GLB1L3: variants seen among roughly 807,000 people sequenced by gnomAD.
GLB1L3 encodes the protein galactosidase beta 1 like 3, also known as beta-galactosidase-1-like protein 3.
A neutral mutation model predicts 89.5 loss-of-function variants in GLB1L3; 89 were observed. The observed-to-expected ratio is 0.99, with a 90% CI of 0.84 to 1.19. The LOEUF is 1.19. Ranked by LOEUF, GLB1L3 falls within the 50% of genes most tolerant of loss-of-function variation. The pLI is 0.00. For missense variants in GLB1L3, 812 were observed against 813.3 expected, an observed-to-expected ratio of 1.00 and a Z score of 0.02; for synonymous variants, 314 against 312.3, an observed-to-expected ratio of 1.01 and a Z score of -0.06.
intron 12 of GLB1L3, 118 bp downstream of exon 12, chr11:134,310,769 G>T: frequency 2.7e-6 from 2 of 741,880 alleles, no homozygotes; most frequent in Admixed American, 2.6e-5. Flanking sequence ...AAGCTCCTGA[G>T]AACAAGGGCA....
chr11:134,278,569 A>G (rs1435719886), intron 3 of GLB1L3, among the ~76,000 whole-genome samples: 1 of 152,138 alleles, frequency 6.6e-6, no homozygotes, highest in Non-Finnish European at 1.5e-5. Context: ...TCATGCCTGT[A>G]TACAACTGAC....
intron 6 of GLB1L3, among the ~76,000 whole-genome samples, chr11:134,285,252 C>T (rs1351589147): frequency 1.3e-5 from 2 of 151,996 alleles, no homozygotes; most frequent in Admixed American, 6.6e-5. Context: ...ATGGTGTACC[C>T]AGACCTCATG....
At chr11:134,289,729 C>T (rs542364965) in intron 7 of GLB1L3, among the ~76,000 whole-genome samples, 3 of 152,334 alleles carry the variant, frequency 2.0e-5, no homozygotes, top group South Asian at 4.1e-4. Context: ...TAAACGTCGT[C>T]TCTTCTGTCC....
intron 3 of GLB1L3, 122 bp downstream of exon 3, chr11:134,278,034 G>C (rs1940476850): frequency 2.3e-6 from 2 of 872,236 alleles, no homozygotes; most frequent in South Asian, 1.5e-5. Context: ...GTCGTTTCCA[G>C]CACATACATT....
chr11:134,309,734 G>T lies in GLB1L3; in HGVS notation c.1070G>T (p.Gly357Val). 2 of 1,613,550 alleles carry T rather than the reference G, an allele frequency of 1.2e-6. No individual in the cohort carries two copies. Among genetic ancestry groups the T allele is most frequent in the East Asian group, 4.5e-5 (2 of 44,872 alleles). ...FGFMNGATYF[G>V]KHSGIVTSYD... ...TTCATGAACGGGGCCACATATTTCG[G>T]GAAGCACTCGGGCATTGTCACCAGC... The change falls in exon 11 of 20, where the codon GGG (glycine) becomes GTG (valine). Residue 357 changes from glycine (G) to valine (V), a missense_variant. Transcript: ENST00000431683.
chr11:134,316,061 C>A (rs1005352184), intron 18 of GLB1L3, among the ~76,000 whole-genome samples: 2 of 152,046 alleles, frequency 1.3e-5, no homozygotes, highest in African/African-American at 4.8e-5. Context: ...TGCTATGCAG[C>A]CTCTATCTCC....
At chr11:134,303,520 A>G (rs1565408114) in intron 9 of GLB1L3, among the ~76,000 whole-genome samples, 1 of 152,112 alleles carries the variant, frequency 6.6e-6, no homozygotes, top group Non-Finnish European at 1.5e-5. Context: ...TTATCTTTTA[A>G]AAGTCATCCT....
intron 3 of GLB1L3, 87 bp downstream of exon 3, chr11:134,277,999 A>G: frequency 7.7e-7 from 1 of 1,304,620 alleles, no homozygotes; most frequent in Non-Finnish European, 1.1e-6. Flanking sequence ...TTGGGGGCCC[A>G]GCGTGAGGAC....
Position 134,277,689 on chromosome 11 carries a change from G to T in GLB1L3, c.150-11G>T. 1.3e-6 allele frequency: 2 copies of T among 1,595,434 alleles called. No homozygotes were observed. The highest frequency in any genetic ancestry group is 1.1e-5 in the South Asian group (1 of 88,632). On this transcript the variant is annotated splice_polypyrimidine_tract_variant and intron_variant, in intron 2 of 19. Coordinates refer to ENST00000431683, the MANE Select transcript of GLB1L3 (RefSeq NM_001080407.3). Reference sequence around the variant, plus strand: ...CCTTTCCACTTTCTTTCCCTCGCCCGCCCCCTCCAGGTTTAATTGGTCTCA... The same window carrying T: ...CCTTTCCACTTTCTTTCCCTCGCCCTCCCCCTCCAGGTTTAATTGGTCTCA...
At chr11:134,311,329 A>T (rs1368328185) in intron 13 of GLB1L3, 159 bp downstream of exon 13, 1 of 658,726 alleles carries the variant, frequency 1.5e-6, no homozygotes, top group African/African-American at 1.8e-5. Flanking sequence ...TTCCGGGTGG[A>T]CTGTGAAGGG....
Position 134,277,640 on chromosome 11 carries a change from G to T in GLB1L3, c.150-60G>T. The T allele has an allele frequency of 5.8e-6, 9 of 1,552,684 alleles. No homozygotes were observed. The Middle Eastern group carries it at 8.4e-4, about 144-fold the overall frequency. ...TCGCTAGGGTTTCAGCCGTGCCTCC[G>T]AGCCCTCTCCCGAATCCTCTCTCCC... On this transcript the variant is annotated intron_variant, in intron 2 of 19. Transcript: ENST00000431683.
intron 15 of GLB1L3, 48 bp downstream of exon 15, chr11:134,312,935 C>A: frequency 8.0e-7 from 1 of 1,249,260 alleles, no homozygotes; most frequent in Non-Finnish European, 1.2e-6. Context: ...CCCTCAAATG[C>A]AGACGGAGCC....
intron 10 of GLB1L3, among the ~76,000 whole-genome samples, chr11:134,308,253 T>TCATCACCATCAC (rs1565412683): frequency 9.3e-5 from 2 of 21,528 alleles, no homozygotes; most frequent in African/African-American, 2.5e-4. Flanking sequence ...ATCACCACCA[T>TCATCACCATCAC]CACCACCACC....
At chr11:134,297,960 A>T (rs1941745092) in intron 9 of GLB1L3, among the ~76,000 whole-genome samples, 1 of 151,630 alleles carries the variant, frequency 6.6e-6, no homozygotes, top group Non-Finnish European at 1.5e-5. Context: ...TGTAGGTAGT[A>T]CTAGGATTGT....
At chr11:134,322,510 C>T (rs1490827170), downstream of GLB1L3, among the ~76,000 whole-genome samples, 1 of 152,126 alleles carries the variant, frequency 6.6e-6, no homozygotes, top group Non-Finnish European at 1.5e-5. Flanking sequence ...GCATCATCAC[C>T]ATCTGATCTA....
Position 134,304,216 on chromosome 11 carries a change from G to A in GLB1L3, c.877-2908G>A, listed in dbSNP as rs75074762. On this transcript the variant is annotated intron_variant, in intron 9 of 19. Transcript: ENST00000431683. Reference sequence around the variant, plus strand: ...GTATCTCTTTAGTTTGTACATTTTTGTCTACTTATGCTGCTATTTGGATAC... The same window carrying A: ...GTATCTCTTTAGTTTGTACATTTTTATCTACTTATGCTGCTATTTGGATAC... Among the ~76,000 whole-genome samples the A allele has an allele frequency of 2.2e-3, 338 of 152,022 alleles. 1 individual carries two copies. The highest frequency in any genetic ancestry group is 2.5e-3 in the Non-Finnish European group (168 of 67,954).
chr11:134,289,895 A>G (rs1029619212), intron 7 of GLB1L3, among the ~76,000 whole-genome samples: 2 of 149,562 alleles, frequency 1.3e-5, no homozygotes, highest in Non-Finnish European at 3.0e-5. Flanking sequence ...ATGGGCTGCC[A>G]AGCAGAGTGC....
Position 134,288,811 on chromosome 11 carries a change from G to T in GLB1L3, c.650G>T (p.Gly217Val). 2 of 1,613,060 alleles carry T rather than the reference G, an allele frequency of 1.2e-6. No individual in the cohort carries two copies. The highest frequency in any genetic ancestry group is 1.7e-6 in the Non-Finnish European group (2 of 1,179,444). The change falls in exon 7 of 20, where the codon GGC becomes GTC. Residue 217 changes from glycine (G) to valine (V), a missense_variant. Transcript: ENST00000431683. Reference protein sequence around the residue: ...RVIPLQYRQAGPVIAVQVENE... With the variant: ...RVIPLQYRQAVPVIAVQVENE... ...CTTGTTTCTCAGTACCGCCAGGCAG[G>T]CCCTGTCATCGCGGTGCAAGTGGAG...
chr11:134,314,046 C>T lies in GLB1L3; in HGVS notation c.1667+18C>T. On this transcript the variant is annotated intron_variant, in intron 17 of 19. Coordinates refer to ENST00000431683, the MANE Select transcript of GLB1L3 (RefSeq NM_001080407.3). ...TTTGAGAGGTATGCTCCAGCTGGCC[C>T]CCAGTGCACACTTCAGTGATCGGGG... The T allele has an allele frequency of 6.6e-7, 1 of 1,514,046 alleles. No homozygotes were observed. Among genetic ancestry groups the T allele is most frequent in the Non-Finnish European group, 9.2e-7 (1 of 1,091,482 alleles). 93.8% of individuals were successfully genotyped at this position (1,514,046 alleles called of 1,614,324 possible). A position where few individuals can be genotyped will look rare whatever the true frequency, so the allele number is the denominator to read the frequency against.
Sources: allele counts gnomAD v4.1 joint callset (sites outside exome capture counted in the v4.1 genomes callset), GRCh38; gene constraint gnomAD v4.1.1; transcripts MANE v1.5; gene names NCBI Gene and HGNC (gene_info 2026-07-23, HGNC 2026-07-21).